AQR: variants seen among roughly 807,000 people sequenced by gnomAD.
AQR encodes RNA helicase aquarius.
A neutral mutation model predicts 180.5 loss-of-function variants in AQR; 61 were observed. The ratio of observed to expected loss-of-function variants is 0.34; its 90% CI spans 0.28 to 0.42. AQR has a LOEUF of 0.42. Ranked by LOEUF, AQR falls within the 10% of genes least tolerant of loss-of-function variation. The pLI is 1.00. For missense variants in AQR, 1,281 were observed against 1,798.3 expected, an observed-to-expected ratio of 0.71 and a Z score of 5.20; for synonymous variants, 551 against 588.8, an observed-to-expected ratio of 0.94 and a Z score of 0.93.
At position 34,929,940 on chromosome 15, in the gene AQR, C is replaced by G. The variant is rs138303232; in HGVS notation, c.1014+318G>C. 6.6e-3 allele frequency among the ~76,000 whole-genome samples: 1,010 copies of G among 152,242 alleles called. 12 individuals carry two copies. Among genetic ancestry groups the G allele is most frequent in the African/African-American group, 0.023 (961 of 41,568 alleles). On this transcript the variant is annotated intron_variant, in intron 12 of 34. Coordinates refer to ENST00000156471, the MANE Select transcript of AQR (RefSeq NM_014691.3). ...ATCTTAAAAATGTGCAAAATGGTTACGCACCCCCTGCCATATGTTGAAATA... is the reference window on the plus strand; with the variant it reads ...ATCTTAAAAATGTGCAAAATGGTTAGGCACCCCCTGCCATATGTTGAAATA...
chr15:34,943,118 G>C (rs772453197), intron 6 of AQR: 1 of 1,611,822 alleles, frequency 6.2e-7, no homozygotes, highest in South Asian at 1.1e-5. Flanking sequence ...CTTTCTGTAA[G>C]AAGTGTGGCA....
chr15:34,892,271 T>C (rs1160899700), intron 23 of AQR, among the ~76,000 whole-genome samples: 3 of 152,200 alleles, frequency 2.0e-5, no homozygotes, highest in Admixed American at 2.0e-4. Context: ...AGTCCCTTCA[T>C]GTAATACAGG....
At chr15:34,874,913 T>C (rs776270242) in intron 28 of AQR, 49 bp from the exon 29 acceptor site, 1 of 1,532,404 alleles carries the variant, frequency 6.5e-7, no homozygotes, top group East Asian at 2.3e-5. Flanking sequence ...TATCCTCTTG[T>C]CTCCAATTTA....
At chr15:34,920,198 A>G in intron 14 of AQR, 134 bp downstream of exon 14, 2 of 618,812 alleles carry the variant, frequency 3.2e-6, no homozygotes, top group Non-Finnish European at 5.5e-6. Context: ...TGATAATACA[A>G]TTCCAAAAAC....
intron 17 of AQR, among the ~76,000 whole-genome samples, chr15:34,908,286 A>C (rs1430094759): frequency 1.3e-5 from 2 of 152,076 alleles, no homozygotes; most frequent in African/African-American, 4.8e-5. Flanking sequence ...AAATACAAAA[A>C]ATTAGCTGGG....
rs1892541432 is a variant in AQR at position 34,853,332 on chromosome 15, A to G, written c.*3460T>C. On this transcript the variant is annotated 3_prime_UTR_variant, in exon 35 of 35. Transcript: ENST00000156471. ...AGTGCAAGATAAAAAGGAAATAGCA[A>G]TTCAAGGCACAAAGCTAAGCACATG... 1 of 152,084 alleles carries G rather than the reference A, an allele frequency of 6.6e-6. No individual in the cohort carries two copies. The highest frequency in any genetic ancestry group is 1.5e-5 in the Non-Finnish European group (1 of 68,028). 9.4% of individuals were successfully genotyped at this position (152,084 alleles called of 1,614,324 possible).
intron 3 of AQR, among the ~76,000 whole-genome samples, chr15:34,958,408 C>A (rs1043232054): frequency 4.0e-5 from 6 of 151,484 alleles, no homozygotes; most frequent in Non-Finnish European, 8.8e-5. Flanking sequence ...GCCAGCTACT[C>A]GGGAGGCTAA....
At chr15:34,913,520 T>C (rs1170530391) in intron 16 of AQR, among the ~76,000 whole-genome samples, 1 of 152,294 alleles carries the variant, frequency 6.6e-6, no homozygotes, top group East Asian at 1.9e-4. Flanking sequence ...CCAGTGTGAA[T>C]GAATTAACTC....
At chr15:34,875,911 T>A (rs763064693) in intron 28 of AQR, 24 bp downstream of exon 28, 12 of 1,565,116 alleles carry the variant, frequency 7.7e-6, no homozygotes, top group South Asian at 5.6e-5. Flanking sequence ...CTATTTTCTT[T>A]GCCTCAGATC....
chr15:34,942,123 A>G, intron 6 of AQR, 43 bp from the exon 7 acceptor site: 1 of 1,476,222 alleles, frequency 6.8e-7, no homozygotes, highest in African/African-American at 1.4e-5. Flanking sequence ...ACATACCAGC[A>G]TTTCTACCTA....
chr15:34,915,057 C>A lies in AQR; in HGVS notation c.1465G>T (p.Val489Phe). Residue 489 changes from valine to phenylalanine, a missense_variant, in exon 16 of 35, where the codon GTC becomes TTC. Transcript: ENST00000156471. ...ACTAACCATGGCTTCATTCTGCTGACACTATCTTCAATGTCCTGACGAATT... is the reference window on the plus strand; with the variant it reads ...ACTAACCATGGCTTCATTCTGCTGAAACTATCTTCAATGTCCTGACGAATT... ...YEIRQDIEDSVSRMKPWQSEY... is the reference protein window; with the variant it reads ...YEIRQDIEDSFSRMKPWQSEY... The A allele has an allele frequency of 1.2e-6, 2 of 1,608,118 alleles. No homozygotes were observed. The highest frequency in any genetic ancestry group is 1.7e-6 in the Non-Finnish European group (2 of 1,178,374).
At chr15:34,880,500 G>A (rs2140466220) in intron 27 of AQR, among the ~76,000 whole-genome samples, 2 of 152,264 alleles carry the variant, frequency 1.3e-5, no homozygotes, top group South Asian at 2.1e-4. Context: ...ACAGTTTTGG[G>A]TTGAATTGGT....
chr15:34,862,410 G>A (rs956615938), intron 33 of AQR, among the ~76,000 whole-genome samples: 39 of 152,170 alleles, frequency 2.6e-4, no homozygotes, highest in Non-Finnish European at 2.4e-4. Flanking sequence ...CTGACCCTAA[G>A]TTTCTCCATT....
chr15:34,940,687 AAAG>A (rs1352924712), intron 8 of AQR, among the ~76,000 whole-genome samples: 3 of 152,204 alleles, frequency 2.0e-5, no homozygotes, highest in Non-Finnish European at 4.4e-5. Flanking sequence ...AGCAGCACAG[AAAG>A]AAGGAAAAGA....
At position 34,946,429 on chromosome 15, in the gene AQR, G is replaced by GT. The variant is rs1271664230; in HGVS notation, c.330+1834dup. On this transcript the variant is annotated intron_variant, in intron 5 of 34. Transcript: ENST00000156471. ...GCCAGCCGCCCCGTCCGGGAGGGAG[G>GT]TGGGGGGGGTCAGCCCCCCGCCCGG... 4.6e-5 allele frequency among the ~76,000 whole-genome samples: 4 copies of GT among 86,632 alleles called. No homozygotes were observed. The East Asian group carries it at 8.9e-4, about 19-fold the overall frequency. 56.8% of individuals were successfully genotyped at this position (86,632 alleles called of 152,430 possible).
chr15:34,856,645 T>C lies in AQR; in HGVS notation c.*147A>G. 3.2e-6 allele frequency: 2 copies of C among 622,864 alleles called. No homozygotes were observed. Among genetic ancestry groups the C allele is most frequent in the Non-Finnish European group, 5.0e-6 (2 of 399,398 alleles). 38.6% of individuals were successfully genotyped at this position (622,864 alleles called of 1,614,324 possible). On this transcript the variant is annotated 3_prime_UTR_variant, in exon 35 of 35. Transcript: ENST00000156471. ...CATACACATAATTTAAAAAAATATATTCAAGACACCGAAATCAGTTAACAA... is the reference window on the plus strand; with the variant it reads ...CATACACATAATTTAAAAAAATATACTCAAGACACCGAAATCAGTTAACAA...
chr15:34,913,415 A>G lies in AQR; in HGVS notation c.1484+1623T>C, dbSNP rs1893529310. 5.9e-5 allele frequency among the ~76,000 whole-genome samples: 9 copies of G among 152,192 alleles called. 1 individual carries two copies. In the South Asian group the frequency reaches 1.9e-3, roughly 31 times the overall value. ...GGTTTTCATCTTCAAGATACATGAA[A>G]CAGAAAGAAGCCTGGCCCCCTTTTA... is the stretch of plus-strand genomic sequence containing the variant. On this transcript the variant is annotated intron_variant, in intron 16 of 34. Transcript: ENST00000156471.
At chr15:34,877,743 CTT>C (rs1468694423) in intron 27 of AQR, among the ~76,000 whole-genome samples, 1 of 152,194 alleles carries the variant, frequency 6.6e-6, no homozygotes, top group East Asian at 1.9e-4. Context: ...ATTATCACTA[CTT>C]TAGCTACTTG....
In AQR at chr15:34,948,029, A is replaced by T. The variant is rs1309812894; in HGVS notation, c.330+235T>A. 15 of 402,976 alleles carry T rather than the reference A, an allele frequency of 3.7e-5. 1 individual carries two copies. The South Asian group carries it at 5.0e-4, about 13-fold the overall frequency. The allele number at this position is 402,976 out of a possible 1,614,324, so 25.0% of individuals were successfully genotyped here. On this transcript the variant is annotated intron_variant, in intron 5 of 34. Coordinates refer to ENST00000156471, the MANE Select transcript of AQR (RefSeq NM_014691.3). Reference sequence around the variant, plus strand: ...ATTCTTTGTTTCAAACACAAAGCAGAAAAATAACTCACATTCATAAATTTT... The same window carrying T: ...ATTCTTTGTTTCAAACACAAAGCAGTAAAATAACTCACATTCATAAATTTT...
Sources: allele counts gnomAD v4.1 joint callset (sites outside exome capture counted in the v4.1 genomes callset), GRCh38; gene constraint gnomAD v4.1.1; transcripts MANE v1.5; gene names NCBI Gene and HGNC (gene_info 2026-07-23, HGNC 2026-07-21).